LHX2: variants seen among roughly 807,000 people sequenced by gnomAD.
The protein encoded by LHX2 is LIM homeobox 2, also known as LIM/homeobox protein Lhx2.
Under a neutral mutation model 33.0 loss-of-function variants are expected in LHX2, and 6 were observed. That is an observed-to-expected ratio of 0.18 (90% confidence interval 0.10 to 0.36). The LOEUF (loss-of-function observed/expected upper bound fraction) is 0.36, where lower values mean the gene tolerates loss of function less well. LHX2 is among the 10% of genes least tolerant of loss of function. The pLI is 1.00. For missense variants in LHX2, 442 were observed against 586.2 expected, an observed-to-expected ratio of 0.75 and a Z score of 2.54; for synonymous variants, 292 against 253.1, an observed-to-expected ratio of 1.15 and a Z score of -1.46.
rs1011489688 is a variant in LHX2, at chr9:124,016,352, G to T, written c.727+827G>T. On this transcript the variant is annotated intron_variant, in intron 3 of 4. Coordinates refer to ENST00000373615, the MANE Select transcript of LHX2 (RefSeq NM_004789.4). The surrounding 1 kb of genome is among the most constrained non-coding windows in gnomAD (Gnocchi z 4.4). ...CTCCCTGCTCAGGACAGCTGCAGAG[G>T]TTCTGAGTTCCGGCAAATGAGCCGT... Among the ~76,000 whole-genome samples, 3 of 152,208 alleles carry T rather than the reference G, an allele frequency of 2.0e-5. No homozygotes were observed. Among genetic ancestry groups the T allele is most frequent in the Non-Finnish European group, 4.4e-5 (3 of 68,042 alleles).
intron 4 of LHX2, chr9:124,021,832 T>A (rs1762863716): frequency 6.5e-6 from 1 of 154,880 alleles, no homozygotes; most frequent in South Asian, 2.0e-4. Context: ...TCTCTCTAGA[T>A]TTATCTTCTG....
At position 124,015,359 on chromosome 9, in the gene LHX2, A is replaced by AGCGGCGGCCGCTGCAGCC. The variant is rs753854265; in HGVS notation, c.571_588dup (p.Ala191_Ala196dup). 87 of 1,610,164 alleles carry AGCGGCGGCCGCTGCAGCC rather than the reference A, an allele frequency of 5.4e-5. No homozygotes were observed. Among genetic ancestry groups the AGCGGCGGCCGCTGCAGCC allele is most frequent in the Non-Finnish European group, 7.1e-5 (84 of 1,178,340 alleles). On this transcript the variant is annotated inframe_insertion, in exon 3 of 5. Coordinates refer to ENST00000373615, the MANE Select transcript of LHX2 (RefSeq NM_004789.4). The surrounding 1 kb of genome is among the most constrained non-coding windows in gnomAD (Gnocchi z 7.9). ...CACACTTCAACCATGCCGACGTGGC[A>AGCGGCGGCCGCTGCAGCC]GCGGCGGCCGCTGCAGCCGCGGCGG...
At chr9:124,030,501 G>A (rs956649979) in intron 4 of LHX2, among the ~76,000 whole-genome samples, 1 of 152,180 alleles carries the variant, frequency 6.6e-6, no homozygotes, top group Non-Finnish European at 1.5e-5. Flanking sequence ...AGAGTGGCCT[G>A]GATTTCCTAA....
Position 124,012,492 on chromosome 9 carries a change from G to A in LHX2, c.120+24G>A. The A allele has an allele frequency of 6.5e-7, 1 of 1,527,562 alleles. No individual in the cohort carries two copies. The highest frequency in any genetic ancestry group is 8.7e-7 in the Non-Finnish European group (1 of 1,145,870). 94.6% of individuals were successfully genotyped at this position (1,527,562 alleles called of 1,614,324 possible). On this transcript the variant is annotated intron_variant, in intron 1 of 4. Transcript: ENST00000373615. The surrounding 1 kb of genome is among the most constrained non-coding windows in gnomAD (Gnocchi z 4.3). The stretch of plus-strand genomic sequence containing the variant: ...CGGTAGGCGCGCGGCTGTGGGGTCG[G>A]GGCTGAGAGCTGGGATGGGGCCGGG...
In LHX2 at chr9:124,012,187, G is replaced by T; in HGVS notation, c.-162G>T. The T allele has an allele frequency of 8.6e-6, 5 of 582,530 alleles. No individual in the cohort carries two copies. The highest frequency in any genetic ancestry group is 7.0e-6 in the Non-Finnish European group (3 of 427,812). 36.1% of individuals were successfully genotyped at this position (582,530 alleles called of 1,614,324 possible). A position where few individuals can be genotyped will look rare whatever the true frequency, so the allele number is the denominator to read the frequency against. On this transcript the variant is annotated 5_prime_UTR_variant, in exon 1 of 5. Coordinates refer to ENST00000373615, the MANE Select transcript of LHX2 (RefSeq NM_004789.4). The surrounding 1 kb of genome is among the most constrained non-coding windows in gnomAD (Gnocchi z 4.3). ...AGGCGTCCTGCCCCGCGAGCGCCCG[G>T]GGCCCGGAGCCCGGCCTGGGGGCTC...
In LHX2 at chr9:124,011,817, C is replaced by T. The variant is rs1049203767; in HGVS notation, c.-532C>T. The T allele has an allele frequency of 2.6e-5, 4 of 153,002 alleles. No individual in the cohort carries two copies. Among genetic ancestry groups the T allele is most frequent in the African/African-American group, 9.7e-5 (4 of 41,426 alleles). The allele number at this position is 153,002 out of a possible 1,614,324, so 9.5% of individuals were successfully genotyped here. A position where few individuals can be genotyped will look rare whatever the true frequency, so the allele number is the denominator to read the frequency against. ...CTCGCAGGCTTCGGAGAAACCCCTA[C>T]TCCAGTCGCCGACTCAGCGCCCAAG... On this transcript the variant is annotated 5_prime_UTR_variant, in exon 1 of 5. Transcript: ENST00000373615.
intron 4 of LHX2, among the ~76,000 whole-genome samples, chr9:124,025,717 C>T (rs569626330): frequency 4.8e-4 from 73 of 152,306 alleles, no homozygotes; most frequent in Non-Finnish European, 7.6e-4. Flanking sequence ...GGTGTGGTGG[C>T]TCACACTTAT....
chr9:124,013,190 T>C (rs557133827), intron 1 of LHX2, among the ~76,000 whole-genome samples: 2 of 152,316 alleles, frequency 1.3e-5, no homozygotes, highest in East Asian at 3.9e-4. Context: ...AAGTGACCTT[T>C]AGGAGGCCGC....
intron 3 of LHX2, among the ~76,000 whole-genome samples, chr9:124,020,254 C>G (rs1036671850): frequency 2.6e-5 from 4 of 152,102 alleles, no homozygotes; most frequent in Non-Finnish European, 4.4e-5. Context: ...CCATAGGTGT[C>G]TACTACATGT....
intron 3 of LHX2, among the ~76,000 whole-genome samples, chr9:124,017,354 C>G (rs138413516): frequency 0.011 from 1,663 of 152,290 alleles, 8 homozygotes; most frequent in African/African-American, 0.023. Flanking sequence ...GCGGCTGGCT[C>G]TTTCGGGGCT....
chr9:124,012,297 G>C lies in LHX2; in HGVS notation c.-52G>C. 1.4e-6 allele frequency: 2 copies of C among 1,457,488 alleles called. No homozygotes were observed. The highest frequency in any genetic ancestry group is 1.8e-6 in the Non-Finnish European group (2 of 1,109,572). 90.3% of individuals were successfully genotyped at this position (1,457,488 alleles called of 1,614,324 possible). A position where few individuals can be genotyped will look rare whatever the true frequency, so the allele number is the denominator to read the frequency against. On this transcript the variant is annotated 5_prime_UTR_variant, in exon 1 of 5. Coordinates refer to ENST00000373615, the MANE Select transcript of LHX2 (RefSeq NM_004789.4). This position sits in a 1 kb window ranked among gnomAD's most constrained non-coding sequence, Gnocchi z 4.3. Reference sequence around the variant, plus strand: ...GAGCGCCAGGCAGCTGAGGCGGGGGGCAAGCCCTCCCTCGGAGGAGCCGCG... The same window carrying C: ...GAGCGCCAGGCAGCTGAGGCGGGGGCCAAGCCCTCCCTCGGAGGAGCCGCG...
rs1256675627 is a variant in LHX2, at chr9:124,012,442, G to T, written c.94G>T (p.Ala32Ser). The change falls in exon 1 of 5, where the codon GCC (alanine) becomes TCC (serine). Residue 32 changes from alanine to serine, a missense_variant. Coordinates refer to ENST00000373615, the MANE Select transcript of LHX2 (RefSeq NM_004789.4). This position sits in a 1 kb window ranked among gnomAD's most constrained non-coding sequence, Gnocchi z 4.3. ...GAGCGAGGCTCCCGCCATCAGCTCC[G>T]CCATCGACCGCGGCGACACCGAGAC... ...AKSEAPAISS[A>S]IDRGDTETTM... The T allele has an allele frequency of 1.7e-5, 26 of 1,528,376 alleles. No homozygotes were observed. Among genetic ancestry groups the T allele is most frequent in the Middle Eastern group, 1.7e-4 (1 of 5,816 alleles). 94.7% of individuals were successfully genotyped at this position (1,528,376 alleles called of 1,614,324 possible).
Position 124,016,375 on chromosome 9 carries a change from C to T in LHX2, c.727+850C>T, listed in dbSNP as rs1481160077. 1.3e-5 allele frequency among the ~76,000 whole-genome samples: 2 copies of T among 152,170 alleles called. No homozygotes were observed. Among genetic ancestry groups the T allele is most frequent in the African/African-American group, 4.8e-5 (2 of 41,434 alleles). ...AGGTTCTGAGTTCCGGCAAATGAGCCGTCAACATCTGCCCGAAGTCTGCAA... is the reference window on the plus strand; with the variant it reads ...AGGTTCTGAGTTCCGGCAAATGAGCTGTCAACATCTGCCCGAAGTCTGCAA... On this transcript the variant is annotated intron_variant, in intron 3 of 4. Transcript: ENST00000373615. The surrounding 1 kb of genome is among the most constrained non-coding windows in gnomAD (Gnocchi z 4.4).
In LHX2 at chr9:124,032,789, G is replaced by T; in HGVS notation, c.*82G>T. The T allele has an allele frequency of 7.0e-7, 1 of 1,431,700 alleles. No homozygotes were observed. The highest frequency in any genetic ancestry group is 9.4e-7 in the Non-Finnish European group (1 of 1,064,230). 88.7% of individuals were successfully genotyped at this position (1,431,700 alleles called of 1,614,324 possible). ...ATTCCAAGTGTATTTTAAAATAGAG[G>T]CTTTGAGCAACTAACTAACCACATT... On this transcript the variant is annotated 3_prime_UTR_variant, in exon 5 of 5. Transcript: ENST00000373615. This position sits in a 1 kb window ranked among gnomAD's most constrained non-coding sequence, Gnocchi z 4.1.
Position 124,021,289 on chromosome 9 carries a change from C to G in LHX2, c.918C>G (p.Thr306=). 1.9e-6 allele frequency: 3 copies of G among 1,613,672 alleles called. No individual in the cohort carries two copies. The highest frequency in any genetic ancestry group is 2.5e-6 in the Non-Finnish European group (3 of 1,180,020). ...LKQLAQKTGL[T]KRVLQVWFQN... The stretch of plus-strand genomic sequence containing the variant: ...AGCTCGCGCAAAAGACGGGCCTCAC[C>G]AAGCGGGTCCTCCAGGTCAGCCAGG... The change falls in exon 4 of 5, where the codon ACC becomes ACG. Residue 306 remains threonine, a synonymous_variant. Coordinates refer to ENST00000373615, the MANE Select transcript of LHX2 (RefSeq NM_004789.4).
intron 4 of LHX2, chr9:124,021,763 G>A (rs1490270101): frequency 6.3e-6 from 1 of 158,234 alleles, no homozygotes; most frequent in Admixed American, 6.2e-5. Flanking sequence ...ACCCACTCTA[G>A]TTTCTCTTCT....
chr9:124,021,070 C>T, intron 3 of LHX2, 29 bp from the exon 4 acceptor site: 2 of 1,607,730 alleles, frequency 1.2e-6, no homozygotes, highest in Non-Finnish European at 1.7e-6. Flanking sequence ...TCAGGAAGTT[C>T]ACCCACCGGC....
chr9:124,015,970 G>A lies in LHX2; in HGVS notation c.727+445G>A, dbSNP rs151038802. 6.7e-3 allele frequency among the ~76,000 whole-genome samples: 1,017 copies of A among 152,354 alleles called. 2 individuals carry two copies. The highest frequency in any genetic ancestry group is 0.02 in the Middle Eastern group (6 of 294). ...AGGGCTGGCTGTGGCCCGGGGCGCC[G>A]AGCTCGGCCTGGAGTGCGGCCTGAC... is the stretch of plus-strand genomic sequence containing the variant. On this transcript the variant is annotated intron_variant, in intron 3 of 4. Coordinates refer to ENST00000373615, the MANE Select transcript of LHX2 (RefSeq NM_004789.4). This position sits in a 1 kb window ranked among gnomAD's most constrained non-coding sequence, Gnocchi z 7.9.
chr9:124,021,269 G>C lies in LHX2; in HGVS notation c.898G>C (p.Ala300Pro), dbSNP rs752878477. Reference protein sequence around the residue: ...NPDAKDLKQLAQKTGLTKRVL... With the variant: ...NPDAKDLKQLPQKTGLTKRVL... ...CGACGCCAAGGACTTGAAGCAGCTC[G>C]CGCAAAAGACGGGCCTCACCAAGCG... The change falls in exon 4 of 5, where the codon GCG (alanine) becomes CCG (proline). Residue 300 changes from alanine (A) to proline (P), a missense_variant. Coordinates refer to ENST00000373615, the MANE Select transcript of LHX2 (RefSeq NM_004789.4). The C allele has an allele frequency of 6.2e-7, 1 of 1,613,920 alleles. No individual in the cohort carries two copies. The highest frequency in any genetic ancestry group is 8.5e-7 in the Non-Finnish European group (1 of 1,180,042).
Sources: gnomAD v4.1 joint callset for allele counts (sites outside exome capture counted in the v4.1 genomes callset) on GRCh38, gnomAD v4.1.1 for gene constraint, Gnocchi (gnomAD v3.1) non-coding constraint, MANE v1.5 for transcripts, NCBI Gene and HGNC (gene_info 2026-07-23, HGNC 2026-07-21) for gene names.